Variants in SNX14 observed in about 807,000 individuals in gnomAD.
SNX14 encodes sorting nexin 14, also known as sorting nexin-14.
Under a neutral mutation model 133.8 loss-of-function variants are expected in SNX14, and 93 were observed. The ratio of observed to expected loss-of-function variants is 0.70; its 90% CI spans 0.59 to 0.83. The LOEUF (loss-of-function observed/expected upper bound fraction) is 0.83, where lower values mean the gene tolerates loss of function less well. SNX14 is among the 40% of genes least tolerant of loss of function. The pLI, the probability that SNX14 is intolerant of heterozygous loss-of-function variation, is 0.00. For synonymous variants in SNX14, 368 were observed against 365.6 expected (o/e 1.01, Z -0.07); for missense variants, 945 against 1,094.9 (o/e 0.86, Z 1.93).
At chr6:85,547,656 A>C (rs1461868681) in intron 9 of SNX14, 106 bp from the exon 10 acceptor site, 2 of 1,010,436 alleles carry the variant, frequency 2.0e-6, no homozygotes, top group Non-Finnish European at 2.8e-6. Context: ...AAAATGAAAA[A>C]ATAAATGGAG....
chr6:85,519,171 TCACTTTTTTCCCCCAATAAAAAGATA>T (rs1736289935), intron 21 of SNX14, among the ~76,000 whole-genome samples: 1 of 152,216 alleles, frequency 6.6e-6, no homozygotes, highest in Non-Finnish European at 1.5e-5. Context: ...TATTTTGTCC[TCACTTTTTTCCCCCAATAAAAAGATA>T]CACAAACACT....
intron 21 of SNX14, among the ~76,000 whole-genome samples, chr6:85,525,691 G>A (rs1778286654): frequency 6.6e-6 from 1 of 152,110 alleles, no homozygotes; most frequent in Admixed American, 6.5e-5. Context: ...GGAAGAGCAT[G>A]ATATAACTTA....
At chr6:85,543,030 A>G in intron 14 of SNX14, 152 bp downstream of exon 14, 1 of 700,400 alleles carries the variant, frequency 1.4e-6, no homozygotes. Flanking sequence ...AGCCTTCCAA[A>G]GTGCTGGGAT....
At chr6:85,556,470 ATC>A (rs1491532052) in intron 7 of SNX14, among the ~76,000 whole-genome samples, 1 of 123,730 alleles carries the variant, frequency 8.1e-6, no homozygotes, top group African/African-American at 3.2e-5. Flanking sequence ...TTTCACATTC[ATC>A]TTTTTTTTTT....
intron 15 of SNX14, among the ~76,000 whole-genome samples, chr6:85,541,428 C>T (rs2128059909): frequency 6.6e-6 from 1 of 152,180 alleles, no homozygotes; most frequent in East Asian, 1.9e-4. Flanking sequence ...TATAAATCTA[C>T]AGAATAGATT....
At position 85,514,553 on chromosome 6, in the gene SNX14, A is replaced by T; in HGVS notation, c.2345T>A (p.Met782Lys). 6.2e-7 allele frequency: 1 copy of T among 1,613,506 alleles called. No individual in the cohort carries two copies. The highest frequency in any genetic ancestry group is 8.5e-7 in the Non-Finnish European group (1 of 1,179,742). The change falls in exon 24 of 29, where the codon ATG becomes AAG. Residue 782 changes from methionine (M) to lysine (K), a missense_variant. Around this residue, in one of 3 missense-constraint regions of SNX14, gnomAD observed 412 missense variants for 516.6 expected, o/e 0.80. Transcript: ENST00000314673. ...TERKQNQNYF[M>K]EVMTVEGVYD... The stretch of plus-strand genomic sequence containing the variant: ...GACTCCTTCTACAGTCATCACCTCC[A>T]TAAAATAATTCTGATTTTGCTTTCT...
chr6:85,579,121 G>A (rs1447151079), intron 1 of SNX14, among the ~76,000 whole-genome samples: 1 of 151,894 alleles, frequency 6.6e-6, no homozygotes, highest in Non-Finnish European at 1.5e-5. Flanking sequence ...CTGGGTGACA[G>A]AATGGGACTC....
At position 85,572,337 on chromosome 6, in the gene SNX14, C is replaced by T; in HGVS notation, c.299G>A (p.Ser100Asn). The T allele has an allele frequency of 6.2e-7, 1 of 1,613,616 alleles. No homozygotes were observed. The highest frequency in any genetic ancestry group is 8.5e-7 in the Non-Finnish European group (1 of 1,179,832). The change falls in exon 3 of 29, where the codon AGC becomes AAC. Residue 100 changes from serine (S) to asparagine (N), a missense_variant. Transcript: ENST00000314673. ...GLQELFPQGH[S>N]CAVCGKVKCK... ...TTTCACTTTACCACAAACAGCACAG[C>T]TATGACCTTGAGGAAATAATTCCTG...
chr6:85,559,637 A>G (rs1264484109), intron 6 of SNX14, among the ~76,000 whole-genome samples: 1 of 152,224 alleles, frequency 6.6e-6, no homozygotes, highest in Non-Finnish European at 1.5e-5. Flanking sequence ...TGACAAAGTT[A>G]ATACCTTTCT....
At chr6:85,526,610 CTAT>C (rs1321925464) in intron 20 of SNX14, among the ~76,000 whole-genome samples, 1 of 152,174 alleles carries the variant, frequency 6.6e-6, no homozygotes, top group Non-Finnish European at 1.5e-5. Flanking sequence ...ACATTAGCTA[CTAT>C]TATTTCCAGT....
chr6:85,511,715 G>A (rs1223300211), intron 26 of SNX14, among the ~76,000 whole-genome samples: 1 of 152,210 alleles, frequency 6.6e-6, no homozygotes, highest in Non-Finnish European at 1.5e-5. Flanking sequence ...ACTTTTGAAT[G>A]AATGCTGAAC....
chr6:85,535,921 T>G (rs895629709), intron 17 of SNX14, among the ~76,000 whole-genome samples: 1 of 152,114 alleles, frequency 6.6e-6, no homozygotes, highest in Non-Finnish European at 1.5e-5. Flanking sequence ...TTAATCATCT[T>G]TTCATCCCCA....
chr6:85,527,819 C>A (rs1381229877), intron 20 of SNX14, among the ~76,000 whole-genome samples: 1 of 151,748 alleles, frequency 6.6e-6, no homozygotes, highest in East Asian at 1.9e-4. Context: ...TCTATAAACC[C>A]AAAAGAAAAG....
chr6:85,574,478 A>C, intron 1 of SNX14, 100 bp from the exon 2 acceptor site: 1 of 753,222 alleles, frequency 1.3e-6, no homozygotes, highest in Non-Finnish European at 2.0e-6. Context: ...CACCTACAAT[A>C]TCAGATTGAA....
intron 4 of SNX14, among the ~76,000 whole-genome samples, chr6:85,570,137 C>A (rs1416521924): frequency 1.3e-5 from 2 of 152,166 alleles, no homozygotes; most frequent in East Asian, 3.9e-4. Context: ...TGTTTATATG[C>A]CTGCCTCTAC....
chr6:85,572,846 C>T (rs1328362470), intron 2 of SNX14, among the ~76,000 whole-genome samples: 1 of 152,122 alleles, frequency 6.6e-6, no homozygotes, highest in African/African-American at 2.4e-5. Context: ...ATAATCCCAG[C>T]TACCCAGGAG....
chr6:85,564,039 A>G (rs4706240), intron 6 of SNX14, among the ~76,000 whole-genome samples: 113,027 of 151,960 alleles, frequency 0.74, 43,494 homozygotes, highest in African/African-American at 0.94. Context: ...ATCTGTCCTC[A>G]TGATAGTTTG....
chr6:85,534,903 G>A (rs945338315), intron 17 of SNX14, among the ~76,000 whole-genome samples: 15 of 147,180 alleles, frequency 1.0e-4, no homozygotes, highest in African/African-American at 3.0e-4. Context: ...AGATATGCAC[G>A]TACGTGGCAT....
chr6:85,548,916 G>A (rs1200043036), intron 8 of SNX14, among the ~76,000 whole-genome samples: 8 of 148,214 alleles, frequency 5.4e-5, no homozygotes, highest in Admixed American at 2.7e-4. Context: ...GCAGTGAGCC[G>A]AGATCACACC....
Sources: allele counts gnomAD v4.1 joint callset (sites outside exome capture counted in the v4.1 genomes callset), GRCh38; gene constraint gnomAD v4.1.1; regional missense constraint gnomAD v4.1.1; transcripts MANE v1.5; gene names NCBI Gene and HGNC (gene_info 2026-07-23, HGNC 2026-07-21).